Variants in TMC1 observed in about 807,000 individuals in gnomAD.
TMC1 encodes transmembrane channel-like protein 1.
In TMC1, 84 loss-of-function variants were observed where a neutral mutation model predicts 105.8. That is an observed-to-expected ratio of 0.79 (90% CI 0.67 to 0.95). TMC1 has a LOEUF of 0.95. Among genes scored for constraint, TMC1 ranks in the 40% least tolerant of loss-of-function variants. The pLI is 0.00. For missense variants in TMC1, 817 were observed against 914.1 expected, an observed-to-expected ratio of 0.89 and a Z score of 1.37; for synonymous variants, 315 against 311.5, an observed-to-expected ratio of 1.01 and a Z score of -0.12.
intron 17 of TMC1, among the ~76,000 whole-genome samples, chr9:72,800,210 A>G (rs1387855997): frequency 6.6e-6 from 1 of 152,166 alleles, no homozygotes; most frequent in Non-Finnish European, 1.5e-5. Context: ...GGCTTTTTGA[A>G]GTGAAGTCTG....
intron 12 of TMC1, among the ~76,000 whole-genome samples, chr9:72,756,770 T>C (rs1180253066): frequency 1.3e-5 from 2 of 152,202 alleles, no homozygotes; most frequent in African/African-American, 4.8e-5. Flanking sequence ...CTTCTGAATT[T>C]CCCAATGCAC....
intron 1 of TMC1, among the ~76,000 whole-genome samples, chr9:72,548,626 A>G (rs1186135099): frequency 6.6e-6 from 1 of 151,786 alleles, no homozygotes; most frequent in Non-Finnish European, 1.5e-5. Context: ...AGCCAACAAG[A>G]TATGTTTTCT....
intron 5 of TMC1, among the ~76,000 whole-genome samples, chr9:72,680,648 TTC>T (rs1254334067): frequency 6.6e-6 from 1 of 152,124 alleles, no homozygotes; most frequent in African/African-American, 2.4e-5. Flanking sequence ...CATTTCCTTT[TTC>T]TCTTTGTCTC....
rs57562145 is a variant in TMC1 at position 72,725,325 on chromosome 9, GTATATATATATATATA to G, written c.363-14766_363-14751del. 2.4e-3 allele frequency among the ~76,000 whole-genome samples: 186 copies of G among 77,678 alleles called. 4 individuals carry two copies. The highest frequency in any genetic ancestry group is 0.023 in the South Asian group (42 of 1,822). The allele number at this position is 77,678 out of a possible 152,430, so 51.0% of individuals were successfully genotyped here. A position where few individuals can be genotyped will look rare whatever the true frequency, so the allele number is the denominator to read the frequency against. ...CCACACACACATTTTATGTGTGTAT[GTATATATATATATATA>G]TATATATATATATATATATATATAT... On this transcript the variant is annotated intron_variant, in intron 8 of 23. Coordinates refer to ENST00000297784, the MANE Select transcript of TMC1 (RefSeq NM_138691.3).
At chr9:72,544,702 ACTC>A (rs1823734980) in intron 1 of TMC1, among the ~76,000 whole-genome samples, 1 of 147,212 alleles carries the variant, frequency 6.8e-6, no homozygotes, top group Admixed American at 6.8e-5. Context: ...CTGATCTTGA[ACTC>A]CTGACCTCAG....
At chr9:72,803,848 G>A (rs1828522089) in intron 17 of TMC1, among the ~76,000 whole-genome samples, 1 of 152,128 alleles carries the variant, frequency 6.6e-6, no homozygotes, top group African/African-American at 2.4e-5. Flanking sequence ...CCTAGAACCA[G>A]AAATACCATT....
At chr9:72,748,061 G>T (rs114711007) in intron 10 of TMC1, among the ~76,000 whole-genome samples, 1 of 152,052 alleles carries the variant, frequency 6.6e-6, no homozygotes, top group Non-Finnish European at 1.5e-5. Context: ...CATATTCATT[G>T]CATGTTTATT....
intron 5 of TMC1, among the ~76,000 whole-genome samples, chr9:72,672,201 A>T (rs1012153073): frequency 1.3e-5 from 2 of 152,166 alleles, no homozygotes; most frequent in Non-Finnish European, 2.9e-5. Flanking sequence ...TTGTGTTCAT[A>T]TATCAGTTAT....
intron 17 of TMC1, among the ~76,000 whole-genome samples, chr9:72,799,751 A>G (rs36045569): frequency 0.067 from 10,217 of 152,224 alleles, 399 homozygotes; most frequent in African/African-American, 0.1. Flanking sequence ...ATGGCCCTCT[A>G]TAACAGTACA....
chr9:72,674,542 G>A (rs917024742), intron 5 of TMC1, among the ~76,000 whole-genome samples: 1 of 152,182 alleles, frequency 6.6e-6, no homozygotes, highest in Non-Finnish European at 1.5e-5. Flanking sequence ...AACAGTGGTT[G>A]CCAACCACTA....
At chr9:72,587,345 A>T (rs375813675) in intron 2 of TMC1, among the ~76,000 whole-genome samples, 23 of 152,112 alleles carry the variant, frequency 1.5e-4, no homozygotes, top group African/African-American at 4.6e-4. Context: ...TTTAATAGAG[A>T]CGAGGTTTTA....
At chr9:72,686,889 T>C (rs969271619) in intron 5 of TMC1, among the ~76,000 whole-genome samples, 8 of 152,154 alleles carry the variant, frequency 5.3e-5, no homozygotes, top group East Asian at 1.9e-4. Flanking sequence ...TCTTCCCTTA[T>C]GGACTTTTAG....
Position 72,789,324 on chromosome 9 carries a change from C to G in TMC1, c.1224+7C>G. The G allele has an allele frequency of 1.2e-6, 2 of 1,613,012 alleles. No homozygotes were observed. Among genetic ancestry groups the G allele is most frequent in the South Asian group, 2.2e-5 (2 of 91,042 alleles). Reference sequence around the variant, plus strand: ...GTGGTGGGAAAAAAATGAAGTTCGTCTCTGCATGCTTTTTATGTGCTTAGA... The same window carrying G: ...GTGGTGGGAAAAAAATGAAGTTCGTGTCTGCATGCTTTTTATGTGCTTAGA... On this transcript the variant is annotated splice_region_variant and intron_variant, in intron 15 of 23. Transcript: ENST00000297784.
At chr9:72,567,784 T>G (rs1483473888) in intron 1 of TMC1, among the ~76,000 whole-genome samples, 1 of 152,182 alleles carries the variant, frequency 6.6e-6, no homozygotes, top group Non-Finnish European at 1.5e-5. Flanking sequence ...CAAAATAGCC[T>G]TCCAGCTGAA....
At chr9:72,754,914 G>A (rs1225356926) in intron 12 of TMC1, 30 bp downstream of exon 12, 3 of 1,541,420 alleles carry the variant, frequency 1.9e-6, no homozygotes, top group Non-Finnish European at 9.0e-7. Flanking sequence ...TGTATTGGTG[G>A]GAGGATGGAT....
intron 8 of TMC1, among the ~76,000 whole-genome samples, chr9:72,702,855 G>T (rs1056307475): frequency 2.5e-4 from 38 of 152,200 alleles, no homozygotes; most frequent in African/African-American, 8.9e-4. Flanking sequence ...GAGTCCAAGA[G>T]TTAAGCAAAT....
chr9:72,541,789 T>G (rs1189629748), intron 1 of TMC1, among the ~76,000 whole-genome samples: 1 of 152,028 alleles, frequency 6.6e-6, no homozygotes, highest in Non-Finnish European at 1.5e-5. Context: ...TCAACGGCAT[T>G]TTATGTACTT....
At chr9:72,597,049 CT>C (rs1824732979) in intron 2 of TMC1, among the ~76,000 whole-genome samples, 2 of 152,216 alleles carry the variant, frequency 1.3e-5, no homozygotes, top group African/African-American at 4.8e-5. Flanking sequence ...CTGCTGAGGG[CT>C]TTGCTGCTAA....
chr9:72,790,228 G>T (rs1042540650), intron 15 of TMC1, among the ~76,000 whole-genome samples: 4 of 152,106 alleles, frequency 2.6e-5, no homozygotes, highest in Non-Finnish European at 5.9e-5. Flanking sequence ...TAGATCAAAA[G>T]AATTAAAATA....
Sources: gnomAD v4.1 joint callset for allele counts (sites outside exome capture counted in the v4.1 genomes callset) on GRCh38, gnomAD v4.1.1 for gene constraint, MANE v1.5 for transcripts, NCBI Gene and HGNC (gene_info 2026-07-23, HGNC 2026-07-21) for gene names.